GALNTL6: variants seen among roughly 807,000 people sequenced by gnomAD.
GALNTL6 encodes the protein polypeptide N-acetylgalactosaminyltransferase like 6, also known as polypeptide N-acetylgalactosaminyltransferase-like 6.
GALNTL6 carries 46 observed loss-of-function variants against 73.7 expected under a neutral mutation model. The ratio of observed to expected loss-of-function variants is 0.62; its 90% CI spans 0.49 to 0.80. The LOEUF (loss-of-function observed/expected upper bound fraction) is 0.80, where lower values mean the gene tolerates loss of function less well. Among genes scored for constraint, GALNTL6 ranks in the 30% least tolerant of loss-of-function variants. GALNTL6 has a pLI of 0.00. For synonymous variants in GALNTL6, 259 were observed against 263.7 expected (o/e 0.98, Z 0.17); for missense variants, 604 against 755.0 (o/e 0.80, Z 2.34).
At chr4:171,959,599 C>T (rs957861472) in intron 2 of GALNTL6, among the ~76,000 whole-genome samples, 3 of 152,008 alleles carry the variant, frequency 2.0e-5, no homozygotes, top group African/African-American at 7.3e-5. Context: ...GTCTGTGGTC[C>T]CAGCTACTCA....
chr4:171,992,431 C>G (rs915137631), intron 2 of GALNTL6, among the ~76,000 whole-genome samples: 2 of 151,898 alleles, frequency 1.3e-5, no homozygotes, highest in Non-Finnish European at 2.9e-5. Context: ...AGTCTCAAGT[C>G]TATGAATTTC....
intron 3 of GALNTL6, among the ~76,000 whole-genome samples, chr4:172,288,450 G>C (rs989927134): frequency 6.6e-6 from 1 of 152,220 alleles, no homozygotes; most frequent in South Asian, 2.1e-4. Flanking sequence ...TAAAGAATTA[G>C]TAAACTAATT....
intron 3 of GALNTL6, among the ~76,000 whole-genome samples, chr4:172,264,619 T>G (rs1738387700): frequency 7.6e-6 from 1 of 131,852 alleles, no homozygotes; most frequent in Non-Finnish European, 1.6e-5. Flanking sequence ...ACATATAATA[T>G]ATTTGGCATA....
At chr4:171,821,300 C>T (rs1281658238) in intron 2 of GALNTL6, among the ~76,000 whole-genome samples, 3 of 152,020 alleles carry the variant, frequency 2.0e-5, no homozygotes, top group African/African-American at 4.8e-5. Flanking sequence ...TTCAGCCTCC[C>T]GAAGTGCCGG....
chr4:171,977,829 T>C (rs332962), intron 2 of GALNTL6, among the ~76,000 whole-genome samples: 61,496 of 152,040 alleles, frequency 0.4, 13,027 homozygotes, highest in East Asian at 0.59. Context: ...ATAATTGCTC[T>C]TACGATGTAT....
chr4:172,414,420 A>G (rs990779042), intron 5 of GALNTL6, among the ~76,000 whole-genome samples: 11 of 152,178 alleles, frequency 7.2e-5, no homozygotes, highest in Admixed American at 7.2e-4. Flanking sequence ...TCTAAACCCA[A>G]TATGTTCAAT....
chr4:172,993,561 T>C (rs770782409), intron 10 of GALNTL6, among the ~76,000 whole-genome samples: 2 of 152,236 alleles, frequency 1.3e-5, no homozygotes, highest in Admixed American at 6.5e-5. Flanking sequence ...CAGCCTCTCA[T>C]GGCTACTTGA....
chr4:172,726,015 C>CG (rs1462535096), intron 5 of GALNTL6, among the ~76,000 whole-genome samples: 1 of 152,142 alleles, frequency 6.6e-6, no homozygotes. Flanking sequence ...GTTCCTTCCG[C>CG]GGGGGCACTA....
At chr4:172,347,711 G>A (rs1741798696) in intron 4 of GALNTL6, among the ~76,000 whole-genome samples, 1 of 151,864 alleles carries the variant, frequency 6.6e-6, no homozygotes, top group Non-Finnish European at 1.5e-5. Context: ...ACACATTTTT[G>A]TGCCCATATC....
In GALNTL6 at chr4:171,826,687, C is replaced by T. The variant is rs532936766; in HGVS notation, c.138+11969C>T. ...AGTCGTATTACTTGTTAGAAATTAG[C>T]TTAACACTCCTACGGAAAACGGTCT... is the stretch of plus-strand genomic sequence containing the variant. On this transcript the variant is annotated intron_variant, in intron 2 of 12. Transcript: ENST00000506823. Among the ~76,000 whole-genome samples the T allele has an allele frequency of 5.9e-5, 9 of 152,204 alleles. No individual in the cohort carries two copies. In the East Asian group the frequency reaches 1.5e-3, roughly 26 times the overall value.
At chr4:171,851,584 T>C (rs1735524616) in intron 2 of GALNTL6, among the ~76,000 whole-genome samples, 1 of 152,220 alleles carries the variant, frequency 6.6e-6, no homozygotes, top group Non-Finnish European at 1.5e-5. Flanking sequence ...CTGAATTATT[T>C]CTTTCTATTA....
intron 8 of GALNTL6, among the ~76,000 whole-genome samples, chr4:172,913,135 A>G (rs1255403117): frequency 9.2e-5 from 14 of 152,218 alleles, no homozygotes; most frequent in Non-Finnish European, 1.8e-4. Flanking sequence ...AAACTCCAAC[A>G]GATCTGCAGC....
At chr4:171,987,739 C>T (rs1212282409) in intron 2 of GALNTL6, among the ~76,000 whole-genome samples, 39 of 152,100 alleles carry the variant, frequency 2.6e-4, no homozygotes, top group Admixed American at 2.4e-3. Flanking sequence ...GCATAGCCTG[C>T]CTTTGCTGGT....
chr4:172,258,090 A>T (rs957670764), intron 3 of GALNTL6, among the ~76,000 whole-genome samples: 7 of 151,304 alleles, frequency 4.6e-5, no homozygotes, highest in Non-Finnish European at 8.9e-5. Flanking sequence ...TTAGCTCTGA[A>T]TCAATGCACT....
At chr4:171,973,462 G>C (rs114514108) in intron 2 of GALNTL6, among the ~76,000 whole-genome samples, 304 of 152,218 alleles carry the variant, frequency 2.0e-3, no homozygotes, top group Non-Finnish European at 3.5e-3. Context: ...TCCTTGGCTT[G>C]TGGCAGCATC....
intron 5 of GALNTL6, chr4:172,379,997 G>A: frequency 1.3e-5 from 11 of 868,942 alleles, no homozygotes; most frequent in Non-Finnish European, 2.1e-5. Flanking sequence ...CAGAACAGGA[G>A]AAGTGATGCA....
At chr4:171,905,797 C>T (rs1465494539) in intron 2 of GALNTL6, among the ~76,000 whole-genome samples, 222 of 151,924 alleles carry the variant, frequency 1.5e-3, no homozygotes, top group African/African-American at 5.1e-3. Context: ...CACTATCTCT[C>T]AGACCACAGT....
At chr4:171,825,657 A>G (rs1734804589) in intron 2 of GALNTL6, among the ~76,000 whole-genome samples, 1 of 152,178 alleles carries the variant, frequency 6.6e-6, no homozygotes, top group Non-Finnish European at 1.5e-5. Context: ...AGAAAAGTGC[A>G]GAAATATAAG....
intron 5 of GALNTL6, among the ~76,000 whole-genome samples, chr4:172,772,362 C>A (rs7688630): frequency 0.48 from 72,965 of 152,040 alleles, 18,338 homozygotes; most frequent in African/African-American, 0.63. Context: ...CTAGATGCCT[C>A]TCCAGAGATG....
Sources: gnomAD v4.1 joint callset for allele counts (sites outside exome capture counted in the v4.1 genomes callset) on GRCh38, gnomAD v4.1.1 for gene constraint, MANE v1.5 for transcripts, NCBI Gene and HGNC (gene_info 2026-07-23, HGNC 2026-07-21) for gene names.